Variants in IL26 observed in about 807,000 individuals in gnomAD.
IL26 encodes the protein interleukin-26.
IL26 carries 23 observed loss-of-function variants against 21.7 expected under a neutral mutation model. That is an observed-to-expected ratio of 1.06 (90% CI 0.76 to 1.50). The LOEUF is 1.50. Ranked by LOEUF, IL26 falls within the 40% of genes most tolerant of loss-of-function variation. The pLI, the probability that IL26 is intolerant of heterozygous loss-of-function variation, is 0.00. For synonymous variants in IL26, 63 were observed against 67.8 expected (o/e 0.93, Z 0.34); for missense variants, 204 against 196.0 (o/e 1.04, Z -0.24).
chr12:68,224,246 A>T (rs1869158912), intron 3 of IL26, among the ~76,000 whole-genome samples: 1 of 152,092 alleles, frequency 6.6e-6, no homozygotes, highest in Non-Finnish European at 1.5e-5. Context: ...TTCCCCACAG[A>T]GGCAACTCGA....
In IL26 at chr12:68,202,096, C is replaced by G; in HGVS notation, c.364-13G>C. 2 of 1,497,868 alleles carry G rather than the reference C, an allele frequency of 1.3e-6. No homozygotes were observed. The highest frequency in any genetic ancestry group is 1.8e-6 in the Non-Finnish European group (2 of 1,092,304). 92.8% of individuals were successfully genotyped at this position (1,497,868 alleles called of 1,614,324 possible). A position where few individuals can be genotyped will look rare whatever the true frequency, so the allele number is the denominator to read the frequency against. On this transcript the variant is annotated splice_polypyrimidine_tract_variant and intron_variant, in intron 3 of 4. Coordinates refer to ENST00000229134, the MANE Select transcript of IL26 (RefSeq NM_018402.2). ...AAGCACAGGAAATCTAAGAAATCAACAGTAATTACAGATAATATTGTTGAA... is the reference window on the plus strand; with the variant it reads ...AAGCACAGGAAATCTAAGAAATCAAGAGTAATTACAGATAATATTGTTGAA...
chr12:68,221,493 G>A (rs1869044013), intron 3 of IL26, among the ~76,000 whole-genome samples: 1 of 152,152 alleles, frequency 6.6e-6, no homozygotes, highest in Admixed American at 6.5e-5. Flanking sequence ...TGGAAAGGAG[G>A]TGGATAGGAC....
At position 68,201,801 on chromosome 12, in the gene IL26, T is replaced by C. The variant is rs778948435; in HGVS notation, c.*44A>G. 6.1e-6 allele frequency: 8 copies of C among 1,316,420 alleles called. No homozygotes were observed. Among genetic ancestry groups the C allele is most frequent in the East Asian group, 2.3e-5 (1 of 43,350 alleles). The allele number at this position is 1,316,420 out of a possible 1,614,324, so 81.5% of individuals were successfully genotyped here. On this transcript the variant is annotated 3_prime_UTR_variant, in exon 5 of 5. Coordinates refer to ENST00000229134, the MANE Select transcript of IL26 (RefSeq NM_018402.2). ...ATAAACATATTTCTAGCAGTTCTTA[T>C]TGTATTTCAAAATAACTGTAAAATC...
intron 3 of IL26, among the ~76,000 whole-genome samples, chr12:68,215,620 A>T (rs1015108966): frequency 1.3e-5 from 2 of 152,268 alleles, no homozygotes; most frequent in Non-Finnish European, 2.9e-5. Flanking sequence ...ATTCAATAAC[A>T]TAATTAGAAA....
intron 3 of IL26, among the ~76,000 whole-genome samples, chr12:68,217,891 C>T (rs555803828): frequency 1.3e-5 from 2 of 152,018 alleles, no homozygotes; most frequent in South Asian, 4.1e-4. Context: ...GGCCGAATGT[C>T]CTGAACAAAT....
intron 3 of IL26, among the ~76,000 whole-genome samples, chr12:68,224,039 A>ACCCC (rs72054758): frequency 1.5e-4 from 22 of 147,268 alleles, no homozygotes; most frequent in African/African-American, 5.8e-4. Context: ...AAAAATAAAC[A>ACCCC]CCCCCCCCCT....
chr12:68,215,910 C>T (rs1341998844), intron 3 of IL26, among the ~76,000 whole-genome samples: 1 of 151,520 alleles, frequency 6.6e-6, no homozygotes, highest in Non-Finnish European at 1.5e-5. Flanking sequence ...TCTCAAACTT[C>T]TGGCCTCAAG....
intron 3 of IL26, among the ~76,000 whole-genome samples, chr12:68,204,414 A>G (rs1868477084): frequency 6.6e-6 from 1 of 152,154 alleles, no homozygotes; most frequent in Non-Finnish European, 1.5e-5. Context: ...AAGTGCTGGG[A>G]TTACAGGCAT....
At position 68,225,020 on chromosome 12, in the gene IL26, C is replaced by T. The variant is rs1869197202; in HGVS notation, c.363+129G>A. Reference sequence around the variant, plus strand: ...GCTATTTCCCTGGTGATGACCTCTCCATTTGGACTACAAGCCAACAATTAC... The same window carrying T: ...GCTATTTCCCTGGTGATGACCTCTCTATTTGGACTACAAGCCAACAATTAC... On this transcript the variant is annotated intron_variant, in intron 3 of 4. Coordinates refer to ENST00000229134, the MANE Select transcript of IL26 (RefSeq NM_018402.2). The T allele has an allele frequency of 7.5e-6, 6 of 805,118 alleles. No homozygotes were observed. The South Asian group carries it at 1.3e-4, about 18-fold the overall frequency. 49.9% of individuals were successfully genotyped at this position (805,118 alleles called of 1,614,324 possible).
chr12:68,217,884 C>T lies in IL26; in HGVS notation c.363+7265G>A, dbSNP rs1043256034. Among the ~76,000 whole-genome samples, 17 of 151,880 alleles carry T rather than the reference C, an allele frequency of 1.1e-4. No homozygotes were observed. In the East Asian group the frequency reaches 1.7e-3, roughly 16 times the overall value. On this transcript the variant is annotated intron_variant, in intron 3 of 4. Transcript: ENST00000229134. ...TGAGAAACTCTGTGAGACAAATGGC[C>T]GAATGTCCTGAACAAATACATTTCA...
At position 68,201,775 on chromosome 12, in the gene IL26, T is replaced by C. The variant is rs1201136295; in HGVS notation, c.*70A>G. ...AAAGTTTTTAAAAGAAATAGACTGTTATAAACATATTTCTAGCAGTTCTTA... is the reference window on the plus strand; with the variant it reads ...AAAGTTTTTAAAAGAAATAGACTGTCATAAACATATTTCTAGCAGTTCTTA... On this transcript the variant is annotated 3_prime_UTR_variant, in exon 5 of 5. Transcript: ENST00000229134. 2 of 1,091,714 alleles carry C rather than the reference T, an allele frequency of 1.8e-6. No individual in the cohort carries two copies. The highest frequency in any genetic ancestry group is 1.3e-6 in the Non-Finnish European group (1 of 749,660). The allele number at this position is 1,091,714 out of a possible 1,614,324, so 67.6% of individuals were successfully genotyped here. A position where few individuals can be genotyped will look rare whatever the true frequency, so the allele number is the denominator to read the frequency against.
intron 1 of IL26, 39 bp downstream of exon 1, chr12:68,225,547 T>C (rs1268813632): frequency 6.2e-7 from 1 of 1,609,234 alleles, no homozygotes; most frequent in African/African-American, 1.3e-5. Flanking sequence ...ATTGTAAATG[T>C]CCTTGAGGTC....
chr12:68,204,268 C>T (rs1592894066), intron 3 of IL26, among the ~76,000 whole-genome samples: 4 of 151,650 alleles, frequency 2.6e-5, no homozygotes. Flanking sequence ...CTCAGCCTCC[C>T]GAACAGCTGG....
intron 3 of IL26, among the ~76,000 whole-genome samples, chr12:68,207,069 C>T (rs181400589): frequency 1.3e-5 from 2 of 152,330 alleles, no homozygotes; most frequent in East Asian, 1.9e-4. Context: ...CCTACACCCA[C>T]ATGAAAGCTG....
intron 3 of IL26, among the ~76,000 whole-genome samples, chr12:68,224,556 G>T (rs1257241750): frequency 6.6e-6 from 1 of 151,198 alleles, no homozygotes; most frequent in Non-Finnish European, 1.5e-5. Flanking sequence ...TAAGAAAAAG[G>T]GCATCAGTTA....
intron 3 of IL26, among the ~76,000 whole-genome samples, chr12:68,223,228 C>T (rs946461361): frequency 3.3e-5 from 5 of 152,088 alleles, no homozygotes; most frequent in Admixed American, 2.6e-4. Context: ...CACTGATAGG[C>T]TTGAGGTGGG....
In IL26 at chr12:68,201,932, C is replaced by G; in HGVS notation, c.430-1G>C. The G allele has an allele frequency of 6.3e-7, 1 of 1,595,048 alleles. No homozygotes were observed. The highest frequency in any genetic ancestry group is 1.4e-5 in the African/African-American group (1 of 73,880). On this transcript the variant is annotated splice_acceptor_variant, in intron 4 of 4. Transcript: ENST00000229134. LOFTEE classifies it high-confidence loss of function. ...CTTTGTAGATTCCTTTGTTTCCAAT[C>G]TGCAGATAAAGTACAGATATAAGAG...
intron 3 of IL26, among the ~76,000 whole-genome samples, chr12:68,217,979 A>C (rs568665664): frequency 2.0e-5 from 3 of 152,140 alleles, no homozygotes; most frequent in Non-Finnish European, 4.4e-5. Flanking sequence ...GTTTACAGAA[A>C]TGTGTTGCTT....
At chr12:68,201,955 G>A (rs1387684301) in intron 4 of IL26, 24 bp from the exon 5 acceptor site, 2 of 1,568,218 alleles carry the variant, frequency 1.3e-6, no homozygotes, top group East Asian at 4.5e-5. Context: ...ACAGATATAA[G>A]AGAATAAATT....
Sources: allele counts gnomAD v4.1 joint callset (sites outside exome capture counted in the v4.1 genomes callset), GRCh38; gene constraint gnomAD v4.1.1; transcripts MANE v1.5; gene names NCBI Gene and HGNC (gene_info 2026-07-23, HGNC 2026-07-21).